ANKRD12: variants seen among roughly 807,000 people sequenced by gnomAD.
The protein encoded by ANKRD12 is ankyrin repeat domain 12.
ANKRD12 carries 85 observed loss-of-function variants against 183.4 expected under a neutral mutation model. The observed-to-expected ratio is 0.46, with a 90% CI of 0.39 to 0.56. ANKRD12 has a LOEUF of 0.56. Ranked by LOEUF, ANKRD12 falls within the 20% of genes least tolerant of loss-of-function variation. The pLI is 0.00. For missense variants in ANKRD12, 2,405 were observed against 2,357.1 expected (o/e 1.02, Z -0.42); for synonymous variants, 914 against 800.2 (o/e 1.14, Z -2.40).
chr18:9,247,782 T>TTTTTGTTTTGTTTTGTTTTG (rs201710394), intron 8 of ANKRD12, among the ~76,000 whole-genome samples: 13 of 151,312 alleles, frequency 8.6e-5, no homozygotes, highest in African/African-American at 3.2e-4. Flanking sequence ...TTTTGGGGTT[T>TTTTTGTTTTGTTTTGTTTTG]TTTTGTTTTG....
At position 9,256,951 on chromosome 18, in the gene ANKRD12, G is replaced by A. The variant is rs1278630471; in HGVS notation, c.3684G>A (p.Glu1228=). 6 of 1,614,088 alleles carry A rather than the reference G, an allele frequency of 3.7e-6. No individual in the cohort carries two copies. The East Asian group carries it at 1.3e-4, about 36-fold the overall frequency. ...TGACAACCCCAAGGCCTCCAGTTGA[G>A]TATGACTCTGACTTTATGTTAGAGA... ...TTVTTPRPPV[E]YDSDFMLESS... Residue 1228 remains glutamate, a synonymous_variant, in exon 9 of 13, where the codon GAG becomes GAA. Coordinates refer to ENST00000262126, the MANE Select transcript of ANKRD12 (RefSeq NM_015208.5).
At chr18:9,269,784 CT>C (rs759187028) in intron 10 of ANKRD12, among the ~76,000 whole-genome samples, 12 of 152,160 alleles carry the variant, frequency 7.9e-5, no homozygotes, top group Non-Finnish European at 1.6e-4. Flanking sequence ...TCTAATTAAA[CT>C]AAAGAGCTTC....
intron 3 of ANKRD12, among the ~76,000 whole-genome samples, chr18:9,201,771 A>C (rs908785305): frequency 1.3e-5 from 2 of 151,702 alleles, no homozygotes; most frequent in Admixed American, 1.3e-4. Flanking sequence ...TTTTTCTTTG[A>C]ATAATTGTTT....
At chr18:9,145,198 C>CT (rs1206656328) in intron 1 of ANKRD12, among the ~76,000 whole-genome samples, 9 of 152,196 alleles carry the variant, frequency 5.9e-5, no homozygotes, top group African/African-American at 2.2e-4. Context: ...TCCTAGCTCA[C>CT]TACAGCCTCA....
At chr18:9,194,417 T>C (rs1212633949) in intron 2 of ANKRD12, among the ~76,000 whole-genome samples, 3 of 152,014 alleles carry the variant, frequency 2.0e-5, no homozygotes, top group Non-Finnish European at 4.4e-5. Context: ...AGTGCAACGG[T>C]ATGATCTCAG....
chr18:9,175,552 G>A (rs1179421936), intron 1 of ANKRD12, among the ~76,000 whole-genome samples: 1 of 4,290 alleles, frequency 2.3e-4, no homozygotes, highest in Non-Finnish European at 7.3e-4. Flanking sequence ...TTTTTTTTTT[G>A]AGACAGTCTC....
intron 8 of ANKRD12, among the ~76,000 whole-genome samples, chr18:9,239,205 T>C (rs1279756624): frequency 6.6e-6 from 1 of 152,232 alleles, no homozygotes; most frequent in Non-Finnish European, 1.5e-5. Context: ...ATATTACATA[T>C]TTGGCTGCCC....
chr18:9,250,575 C>T (rs897756138), intron 8 of ANKRD12, among the ~76,000 whole-genome samples: 3 of 151,962 alleles, frequency 2.0e-5, no homozygotes, highest in Admixed American at 6.6e-5. Flanking sequence ...AGAAACTAGT[C>T]GGGTATGGTG....
At position 9,256,702 on chromosome 18, in the gene ANKRD12, A is replaced by G. The variant is rs1361521222; in HGVS notation, c.3435A>G (p.Glu1145=). 3 of 1,609,416 alleles carry G rather than the reference A, an allele frequency of 1.9e-6. No individual in the cohort carries two copies. The highest frequency in any genetic ancestry group is 1.7e-6 in the Non-Finnish European group (2 of 1,178,824). The change falls in exon 9 of 13, where the codon GAA becomes GAG. Residue 1145 remains glutamate (E), a synonymous_variant. Coordinates refer to ENST00000262126, the MANE Select transcript of ANKRD12 (RefSeq NM_015208.5). ...AACTTACTAGGTCAAAGAGTTCAGA[A>G]GTGACTGATGCATATACCAAGGAGA... is the stretch of plus-strand genomic sequence containing the variant. ...NKELTRSKSS[E]VTDAYTKEKQ... is the part of the protein sequence containing the mutation.
rs534337730 is a variant in ANKRD12 at position 9,267,215 on chromosome 18, G to A, written c.5763+3327G>A. On this transcript the variant is annotated intron_variant, in intron 10 of 12. Coordinates refer to ENST00000262126, the MANE Select transcript of ANKRD12 (RefSeq NM_015208.5). ...CACTGTCAACATTAGACAGATCAACGAGAGAAAGTTAACAAGGATATCCAG... is the reference window on the plus strand; with the variant it reads ...CACTGTCAACATTAGACAGATCAACAAGAGAAAGTTAACAAGGATATCCAG... 3.4e-4 allele frequency among the ~76,000 whole-genome samples: 51 copies of A among 152,208 alleles called. No homozygotes were observed. The South Asian group carries it at 5.2e-3, about 15-fold the overall frequency.
At chr18:9,171,062 G>A (rs2032668624) in intron 1 of ANKRD12, among the ~76,000 whole-genome samples, 1 of 152,174 alleles carries the variant, frequency 6.6e-6, no homozygotes, top group Non-Finnish European at 1.5e-5. Flanking sequence ...TTGTTCCTCT[G>A]GAAGTTTGGT....
At chr18:9,273,136 T>C (rs2039684948) in intron 10 of ANKRD12, among the ~76,000 whole-genome samples, 1 of 152,188 alleles carries the variant, frequency 6.6e-6, no homozygotes, top group Non-Finnish European at 1.5e-5. Context: ...TTATCCCCAT[T>C]GATACTTAGG....
chr18:9,209,632 T>A (rs1020726192), intron 5 of ANKRD12, among the ~76,000 whole-genome samples: 5 of 152,202 alleles, frequency 3.3e-5, no homozygotes, highest in African/African-American at 1.2e-4. Context: ...GTTTTAGGGC[T>A]TCCTGCTTTT....
chr18:9,144,302 ATATTAGTGATTATTAATCTTC>A (rs1568214799), intron 1 of ANKRD12, among the ~76,000 whole-genome samples: 1 of 152,230 alleles, frequency 6.6e-6, no homozygotes, highest in Non-Finnish European at 1.5e-5. Flanking sequence ...TAATCTTTAT[ATATTAGTGATTATTAATCTTC>A]TATATGTTAC....
chr18:9,205,153 G>A (rs2035407774), intron 4 of ANKRD12, among the ~76,000 whole-genome samples: 1 of 152,128 alleles, frequency 6.6e-6, no homozygotes, highest in Non-Finnish European at 1.5e-5. Context: ...TATGTTAATG[G>A]TCAGTAATTG....
chr18:9,160,865 G>C (rs186712057), intron 1 of ANKRD12, among the ~76,000 whole-genome samples: 5 of 152,168 alleles, frequency 3.3e-5, no homozygotes, highest in Non-Finnish European at 1.5e-5. Context: ...GTTTAGATAG[G>C]GTTGAAATGA....
chr18:9,197,515 C>T (rs116903804), intron 3 of ANKRD12, among the ~76,000 whole-genome samples: 3,051 of 152,268 alleles, frequency 0.02, 47 homozygotes, highest in Middle Eastern at 0.048. Context: ...TACTTAACTA[C>T]TAATAGCCTG....
chr18:9,169,910 A>G (rs992832209), intron 1 of ANKRD12, among the ~76,000 whole-genome samples: 5 of 152,056 alleles, frequency 3.3e-5, no homozygotes, highest in South Asian at 2.1e-4. Context: ...CAGGCCTGGT[A>G]GTGACAAAAT....
chr18:9,272,194 G>C (rs929032034), intron 10 of ANKRD12, among the ~76,000 whole-genome samples: 1 of 152,192 alleles, frequency 6.6e-6, no homozygotes. Context: ...GTACTATTTA[G>C]ATTGTCAGGT....
Sources: gnomAD v4.1 joint callset for allele counts (sites outside exome capture counted in the v4.1 genomes callset) on GRCh38, gnomAD v4.1.1 for gene constraint, MANE v1.5 for transcripts, NCBI Gene and HGNC (gene_info 2026-07-23, HGNC 2026-07-21) for gene names.